The following PRELID2 variants were observed in gnomAD, a reference collection of about 807,000 sequenced individuals.
PRELID2 encodes the protein PRELI domain containing 2.
PRELID2 carries 25 observed loss-of-function variants against 28.4 expected under a neutral mutation model. The ratio of observed to expected loss-of-function variants is 0.88; its 90% CI spans 0.64 to 1.23. PRELID2 has a LOEUF of 1.23. Among genes scored for constraint, PRELID2 ranks in the 50% most tolerant of loss-of-function variants. PRELID2 has a pLI of 0.00. For synonymous variants in PRELID2, 76 were observed against 71.6 expected (o/e 1.06, Z -0.31); for missense variants, 201 against 214.4 (o/e 0.94, Z 0.39).
At chr5:145,654,023 G>C (rs757769809) in intron 1 of PRELID2, among the ~76,000 whole-genome samples, 1 of 151,938 alleles carries the variant, frequency 6.6e-6, no homozygotes, top group Non-Finnish European at 1.5e-5. Context: ...AAGAAGAAAA[G>C]AGAGAAGAAT....
intron 1 of PRELID2, among the ~76,000 whole-genome samples, chr5:145,602,085 T>C (rs1753406622): frequency 6.6e-6 from 1 of 152,120 alleles, no homozygotes; most frequent in South Asian, 2.1e-4. Flanking sequence ...TTGAAGAGAG[T>C]GGGCTCTGGG....
At chr5:145,658,780 C>G (rs1754438002) in intron 1 of PRELID2, among the ~76,000 whole-genome samples, 1 of 152,176 alleles carries the variant, frequency 6.6e-6, no homozygotes, top group Admixed American at 6.6e-5. Flanking sequence ...ATTACCCAGT[C>G]TCAGGCATTC....
chr5:145,519,101 T>C (rs1268483205), intron 1 of PRELID2, among the ~76,000 whole-genome samples: 3 of 152,194 alleles, frequency 2.0e-5, no homozygotes, highest in Non-Finnish European at 4.4e-5. Context: ...CTGGTGGAGC[T>C]GCATGGACAC....
At chr5:145,419,692 C>T in the PRELID2 span, among the ~76,000 whole-genome samples, 3 of 152,136 alleles carry the variant, frequency 2.0e-5, no homozygotes, top group African/African-American at 7.2e-5. Flanking sequence ...CCTGTTCACT[C>T]TGATGGTAGT....
At chr5:145,424,713 G>A in the PRELID2 span, among the ~76,000 whole-genome samples, 29 of 152,232 alleles carry the variant, frequency 1.9e-4, no homozygotes, top group South Asian at 3.7e-3. Flanking sequence ...GCTGTAGACC[G>A]GAGCTGTTCC....
chr5:145,581,545 G>A (rs1192193779), intron 1 of PRELID2, among the ~76,000 whole-genome samples: 1 of 152,048 alleles, frequency 6.6e-6, no homozygotes, highest in African/African-American at 2.4e-5. Context: ...CTTGGTGCCT[G>A]CCAGGTCATA....
the PRELID2 span, among the ~76,000 whole-genome samples, chr5:145,335,526 G>T: frequency 5.9e-4 from 90 of 152,014 alleles, no homozygotes; most frequent in Non-Finnish European, 9.7e-4. Context: ...AAAACTTCTT[G>T]TGTTTTTCTG....
At chr5:145,517,692 G>A (rs970770005) in intron 1 of PRELID2, among the ~76,000 whole-genome samples, 3 of 152,146 alleles carry the variant, frequency 2.0e-5, no homozygotes, top group Non-Finnish European at 4.4e-5. Context: ...ACATGCACAT[G>A]TATGTTTATT....
chr5:145,793,008 G>T (rs901421063), intron 5 of PRELID2, among the ~76,000 whole-genome samples: 1 of 152,176 alleles, frequency 6.6e-6, no homozygotes, highest in East Asian at 1.9e-4. Context: ...GAACCACTCC[G>T]TTTCAAGGAT....
intron 1 of PRELID2, among the ~76,000 whole-genome samples, chr5:145,611,118 C>T (rs528798234): frequency 6.6e-6 from 1 of 151,542 alleles, no homozygotes; most frequent in African/African-American, 2.4e-5. Context: ...CAGTGAAGAT[C>T]CAAAGACTGT....
the PRELID2 span, among the ~76,000 whole-genome samples, chr5:145,383,309 A>T: frequency 4.0e-5 from 6 of 151,200 alleles, no homozygotes; most frequent in Non-Finnish European, 8.9e-5. Context: ...ACATATATGT[A>T]CGGATATACA....
the PRELID2 span, among the ~76,000 whole-genome samples, chr5:145,313,545 C>T: frequency 8.1e-6 from 1 of 123,316 alleles, no homozygotes; most frequent in African/African-American, 3.8e-5. Context: ...CCTCTTTATG[C>T]TGTTTATAGC....
the PRELID2 span, among the ~76,000 whole-genome samples, chr5:145,434,208 T>C: frequency 6.6e-6 from 1 of 152,172 alleles, no homozygotes; most frequent in Non-Finnish European, 1.5e-5. Context: ...TCCTCTTGCT[T>C]AGTTCAGTTA....
chr5:145,465,385 G>T, the PRELID2 span, among the ~76,000 whole-genome samples: 1 of 152,128 alleles, frequency 6.6e-6, no homozygotes, highest in Non-Finnish European at 1.5e-5. Flanking sequence ...CAAATTAAAT[G>T]CGTAAGAGTT....
chr5:145,556,177 C>CAAAAAAAAAAA (rs1231402100), intron 1 of PRELID2, among the ~76,000 whole-genome samples: 3 of 61,120 alleles, frequency 4.9e-5, no homozygotes, highest in East Asian at 5.1e-4. Flanking sequence ...GACTCTATCT[C>CAAAAAAAAAAA]AAAAAAAAAA....
At chr5:145,277,265 G>A in the PRELID2 span, among the ~76,000 whole-genome samples, 1,271 of 152,194 alleles carry the variant, frequency 8.4e-3, 15 homozygotes, top group African/African-American at 0.029. Flanking sequence ...CAATGTGAAA[G>A]CAAAAATAAT....
intron 1 of PRELID2, among the ~76,000 whole-genome samples, chr5:145,513,052 A>G (rs571051002): frequency 6.6e-6 from 1 of 152,254 alleles, no homozygotes; most frequent in Admixed American, 6.5e-5. Context: ...GAAAGGCCAA[A>G]AGTTCCAAAA....
At chr5:145,453,296 G>C in the PRELID2 span, among the ~76,000 whole-genome samples, 3 of 152,088 alleles carry the variant, frequency 2.0e-5, no homozygotes, top group African/African-American at 7.2e-5. Context: ...TGGCAAAATG[G>C]CTAGGCAAGC....
the PRELID2 span, among the ~76,000 whole-genome samples, chr5:145,381,980 A>G: frequency 6.6e-6 from 1 of 151,798 alleles, no homozygotes; most frequent in Admixed American, 6.6e-5. Flanking sequence ...AATTTAGCAG[A>G]AAAAATGACA....
Sources: gnomAD v4.1 joint callset for allele counts (sites outside exome capture counted in the v4.1 genomes callset) on GRCh38, gnomAD v4.1.1 for gene constraint, MANE v1.5 for transcripts, NCBI Gene and HGNC (gene_info 2026-07-23, HGNC 2026-07-21) for gene names.